The following STAG3 variants were observed in gnomAD, a reference collection of about 807,000 sequenced individuals.
STAG3 encodes the protein cohesin subunit SA-3.
In STAG3, 101 loss-of-function variants were observed where a neutral mutation model predicts 160.7. That is an observed-to-expected ratio of 0.63 (90% confidence interval 0.54 to 0.74). The LOEUF is 0.74. Ranked by LOEUF, STAG3 falls within the 30% of genes least tolerant of loss-of-function variation. The pLI is 0.00. For synonymous variants in STAG3, 519 were observed against 585.0 expected (o/e 0.89, Z 1.63); for missense variants, 1,188 against 1,517.4 (o/e 0.78, Z 3.61).
chr7:100,186,314 C>A lies in STAG3; in HGVS notation c.433+18C>A. On this transcript the variant is annotated intron_variant, in intron 5 of 33. Coordinates refer to ENST00000615138, the MANE Select transcript of STAG3 (RefSeq NM_001282717.2). The stretch of plus-strand genomic sequence containing the variant: ...ATGTAAAGGTGAGGAAACTGCTCCC[C>A]CTTTCTAATTCCCAGCCTTTTGTTC... The A allele has an allele frequency of 6.3e-7, 1 of 1,595,114 alleles. No individual in the cohort carries two copies. Among genetic ancestry groups the A allele is most frequent in the Non-Finnish European group, 8.6e-7 (1 of 1,162,850 alleles).
chr7:100,218,055 T>C (rs557107268), downstream of STAG3, among the ~76,000 whole-genome samples: 152 of 150,078 alleles, frequency 1.0e-3, 2 homozygotes, highest in African/African-American at 3.4e-3. Flanking sequence ...GTAACAGTTA[T>C]CTTCCCAGGC....
At chr7:100,208,998 G>A (rs536570547) in intron 29 of STAG3, among the ~76,000 whole-genome samples, 1 of 152,130 alleles carries the variant, frequency 6.6e-6, no homozygotes, top group Admixed American at 6.5e-5. Context: ...GTGGCAGACC[G>A]CCAGCAGTTC....
intron 20 of STAG3, 51 bp downstream of exon 20, chr7:100,201,211 A>C: frequency 6.2e-7 from 1 of 1,613,506 alleles, no homozygotes; most frequent in South Asian, 1.1e-5. Flanking sequence ...GTGTCTGTGG[A>C]GTTGGTTCCC....
At chr7:100,209,642 G>A (rs1061230) in intron 29 of STAG3, among the ~76,000 whole-genome samples, 105,078 of 152,060 alleles carry the variant, frequency 0.69, 36,984 homozygotes, top group Middle Eastern at 0.86. Flanking sequence ...CCAGCAGGGA[G>A]GTTGTGGCTG....
chr7:100,195,413 G>A (rs773492764), intron 9 of STAG3, 31 bp downstream of exon 9: 1 of 1,601,540 alleles, frequency 6.2e-7, no homozygotes, highest in South Asian at 1.1e-5. Context: ...CATTGAAGCA[G>A]CTGGCCTTTG....
rs550191586 is a variant in STAG3, at chr7:100,183,660, A to C, written c.336+821A>C. Among the ~76,000 whole-genome samples the C allele has an allele frequency of 2.6e-5, 4 of 152,222 alleles. No individual in the cohort carries two copies. In the East Asian group the frequency reaches 7.7e-4, roughly 29 times the overall value. On this transcript the variant is annotated intron_variant, in intron 4 of 33. Transcript: ENST00000615138. ...GAGATCCTTTGTGTACCTTCTTTCT[A>C]CTCCATTTCACAGTCTCCTTATTAC...
chr7:100,184,590 C>T (rs1197403945), intron 4 of STAG3, among the ~76,000 whole-genome samples: 2 of 150,788 alleles, frequency 1.3e-5, no homozygotes, highest in Admixed American at 6.6e-5. Context: ...GCCTCAGCCT[C>T]CCGAGTAGCT....
Position 100,204,793 on chromosome 7 carries a change from C to T in STAG3, c.2951+18C>T. On this transcript the variant is annotated intron_variant, in intron 27 of 33. Transcript: ENST00000615138. ...CTACACAAGTAGGAAGTATTGGTTG[C>T]AGGTTGTGTCCAGGGAGGGCTGGGA... The T allele has an allele frequency of 6.2e-7, 1 of 1,612,134 alleles. No individual in the cohort carries two copies. Among genetic ancestry groups the T allele is most frequent in the Non-Finnish European group, 8.5e-7 (1 of 1,179,438 alleles).
At chr7:100,181,304 C>G (rs1562963743) in intron 2 of STAG3, 2 of 152,130 alleles carry the variant, frequency 1.3e-5, no homozygotes, top group Non-Finnish European at 2.9e-5. Flanking sequence ...GCTTTATCCC[C>G]TGGCTGTTTT....
At chr7:100,218,441 C>G (rs1007438747), downstream of STAG3, 9 of 210,220 alleles carry the variant, frequency 4.3e-5, no homozygotes, top group African/African-American at 2.1e-4. Flanking sequence ...AGCTGGGTGG[C>G]TTGCCTCCCA....
chr7:100,182,955 A>G, intron 4 of STAG3, 116 bp downstream of exon 4: 1 of 1,200,154 alleles, frequency 8.3e-7, no homozygotes, highest in Non-Finnish European at 1.2e-6. Context: ...ATGTCAAGAA[A>G]GATAAGGTTA....
At chr7:100,193,436 C>T (rs567220088) in intron 8 of STAG3, among the ~76,000 whole-genome samples, 4 of 152,292 alleles carry the variant, frequency 2.6e-5, no homozygotes, top group Admixed American at 6.5e-5. Flanking sequence ...CAATATAAGG[C>T]GTTTTCCAAT....
chr7:100,210,780 C>A (rs530338604), intron 29 of STAG3, among the ~76,000 whole-genome samples: 1 of 152,142 alleles, frequency 6.6e-6, no homozygotes, highest in Non-Finnish European at 1.5e-5. Flanking sequence ...GTAGCAAGTT[C>A]TTCTTGGACA....
chr7:100,205,787 G>A (rs867953486), intron 29 of STAG3, among the ~76,000 whole-genome samples: 5 of 150,062 alleles, frequency 3.3e-5, no homozygotes, highest in Non-Finnish European at 7.4e-5. Flanking sequence ...CTGAGATTGC[G>A]CGACTGCACC....
At chr7:100,180,158 C>G (rs535186160) in intron 1 of STAG3, among the ~76,000 whole-genome samples, 29 of 152,316 alleles carry the variant, frequency 1.9e-4, no homozygotes, top group Admixed American at 9.8e-4. Flanking sequence ...TGGACTCAAG[C>G]AATCCTCCCA....
intron 25 of STAG3, 81 bp downstream of exon 25, chr7:100,202,671 G>C: frequency 6.6e-7 from 1 of 1,524,914 alleles, no homozygotes; most frequent in South Asian, 1.2e-5. Flanking sequence ...TAGCACTACA[G>C]GTGGGGGATA....
At chr7:100,192,577 G>A (rs999017799) in intron 8 of STAG3, among the ~76,000 whole-genome samples, 7 of 152,118 alleles carry the variant, frequency 4.6e-5, no homozygotes, top group Admixed American at 3.9e-4. Flanking sequence ...CGGACGGGGG[G>A]TTGAGTTTTT....
At chr7:100,213,971 G>T in intron 33 of STAG3, 36 bp from the exon 34 acceptor site, 1 of 1,614,192 alleles carries the variant, frequency 6.2e-7, no homozygotes, top group Non-Finnish European at 8.5e-7. Context: ...GCCCGTTGCT[G>T]TGTCCTGTGT....
chr7:100,213,500 C>G, intron 32 of STAG3: 1 of 985,334 alleles, frequency 1.0e-6, no homozygotes. Flanking sequence ...AGAAAAAATC[C>G]GTTTTCTGGT....
Sources: allele counts gnomAD v4.1 joint callset (sites outside exome capture counted in the v4.1 genomes callset), GRCh38; gene constraint gnomAD v4.1.1; transcripts MANE v1.5; gene names NCBI Gene and HGNC (gene_info 2026-07-23, HGNC 2026-07-21).